Variants in RBFOX1 observed in about 807,000 individuals in gnomAD.
The protein encoded by RBFOX1 is RNA binding fox-1 homolog 1.
RBFOX1 carries 8 observed loss-of-function variants against 57.7 expected under a neutral mutation model. The ratio of observed to expected loss-of-function variants is 0.14; its 90% CI spans 0.08 to 0.25. The LOEUF (loss-of-function observed/expected upper bound fraction) is 0.25. RBFOX1 is among the 10% of genes least tolerant of loss of function. The pLI, the probability that RBFOX1 is intolerant of heterozygous loss-of-function variation, is 1.00. For missense variants in RBFOX1, 611 were observed against 548.5 expected (o/e 1.11, Z -1.14); for synonymous variants, 326 against 222.4 (o/e 1.47, Z -4.15).
intron 4 of RBFOX1, among the ~76,000 whole-genome samples, chr16:7,227,298 A>ACCCCCCC (rs1163061832): frequency 1.4e-5 from 1 of 71,074 alleles, no homozygotes; most frequent in Non-Finnish European, 3.4e-5. Flanking sequence ...CCACCCCCAC[A>ACCCCCCC]CACACACACA....
At chr16:5,699,661 A>G (rs1267710968) in intron 3 of RBFOX1, among the ~76,000 whole-genome samples, 2 of 152,068 alleles carry the variant, frequency 1.3e-5, no homozygotes, top group East Asian at 1.9e-4. Context: ...GGGGTGTGCT[A>G]CTGGGATCTA....
chr16:5,962,818 G>GTTTTT (rs55961605), intron 4 of RBFOX1, among the ~76,000 whole-genome samples: 1 of 135,380 alleles, frequency 7.4e-6, no homozygotes, highest in Non-Finnish European at 1.6e-5. Context: ...TGAGGGTTTG[G>GTTTTT]TTTTTTTTTT....
At chr16:6,774,763 A>G (rs1208525693) in intron 3 of RBFOX1, among the ~76,000 whole-genome samples, 1 of 152,056 alleles carries the variant, frequency 6.6e-6, no homozygotes, top group African/African-American at 2.4e-5. Context: ...GTTGAGTTGA[A>G]CTTTCTGCAA....
chr16:6,534,322 C>A (rs2096705992), intron 2 of RBFOX1, among the ~76,000 whole-genome samples: 2 of 151,940 alleles, frequency 1.3e-5, no homozygotes, highest in African/African-American at 4.8e-5. Flanking sequence ...AGAAGTTATC[C>A]ACCAAAGAGT....
intron 4 of RBFOX1, among the ~76,000 whole-genome samples, chr16:7,449,478 G>A (rs550314380): frequency 9.2e-5 from 14 of 152,186 alleles, no homozygotes; most frequent in African/African-American, 2.9e-4. Context: ...TTTCACTAAC[G>A]CGCCCCTTGC....
intron 2 of RBFOX1, among the ~76,000 whole-genome samples, chr16:6,646,145 C>T (rs1454570922): frequency 1.3e-5 from 2 of 152,118 alleles, no homozygotes; most frequent in African/African-American, 4.8e-5. Flanking sequence ...TCGAGTGGGG[C>T]TGAAGTACTT....
intron 2 of RBFOX1, among the ~76,000 whole-genome samples, chr16:6,382,913 C>G (rs537813705): frequency 1.3e-5 from 2 of 152,078 alleles, no homozygotes; most frequent in Non-Finnish European, 1.5e-5. Context: ...AAGTTATTAC[C>G]CAAAGCAGGA....
At chr16:6,614,654 T>G (rs990372753) in intron 2 of RBFOX1, among the ~76,000 whole-genome samples, 1 of 152,182 alleles carries the variant, frequency 6.6e-6, no homozygotes, top group Non-Finnish European at 1.5e-5. Flanking sequence ...GTAGCCTCTT[T>G]CCTTACTCCT....
intron 4 of RBFOX1, among the ~76,000 whole-genome samples, chr16:7,362,299 C>CAT (rs1568416806): frequency 1.6e-3 from 48 of 29,890 alleles, no homozygotes; most frequent in East Asian, 0.011. Context: ...GTATGTTTTT[C>CAT]GTGTGTTTGC....
intron 11 of RBFOX1, among the ~76,000 whole-genome samples, chr16:7,650,777 T>G (rs1200460000): frequency 2.6e-5 from 4 of 152,212 alleles, no homozygotes; most frequent in Non-Finnish European, 1.5e-5. Context: ...TTCATTTTCT[T>G]TATTTCAAAA....
rs116800299 is a variant in RBFOX1, at chr16:5,789,631, C to A, written c.319-77672C>A. On this transcript the variant is annotated intron_variant, in intron 3 of 19. Coordinates refer to the RBFOX1 transcript ENST00000641259. ...TTCTCTTTTGGTTAAGCTTTTTCCC[C>A]AGTCGTATCTTGTTCATGACTCATG... 3.7e-3 allele frequency among the ~76,000 whole-genome samples: 565 copies of A among 152,294 alleles called. 4 individuals carry two copies. The highest frequency in any genetic ancestry group is 0.013 in the African/African-American group (529 of 41,552).
intron 3 of RBFOX1, among the ~76,000 whole-genome samples, chr16:5,622,078 C>G (rs560900546): frequency 7.2e-5 from 11 of 152,114 alleles, no homozygotes; most frequent in African/African-American, 1.4e-4. Context: ...TTCTCTTATT[C>G]CTGAAAAATG....
chr16:6,185,295 A>G (rs922312189), intron 1 of RBFOX1, among the ~76,000 whole-genome samples: 1 of 152,186 alleles, frequency 6.6e-6, no homozygotes, highest in African/African-American at 2.4e-5. Flanking sequence ...TATATTTGCT[A>G]TAATTTCTTT....
At chr16:6,550,052 C>G (rs1014204077) in intron 2 of RBFOX1, among the ~76,000 whole-genome samples, 4 of 152,200 alleles carry the variant, frequency 2.6e-5, no homozygotes, top group Admixed American at 1.3e-4. Flanking sequence ...CCATTCCATA[C>G]TTTATGACTG....
intron 2 of RBFOX1, among the ~76,000 whole-genome samples, chr16:6,442,988 G>A (rs1212014380): frequency 6.6e-6 from 1 of 152,186 alleles, no homozygotes; most frequent in African/African-American, 2.4e-5. Flanking sequence ...TGATGTGAAA[G>A]TGAGTACCAG....
chr16:6,416,739 T>C (rs1228699280), intron 2 of RBFOX1, among the ~76,000 whole-genome samples: 2 of 152,150 alleles, frequency 1.3e-5, no homozygotes, highest in Non-Finnish European at 2.9e-5. Flanking sequence ...TGTACCTCCT[T>C]GTCCAGCAAT....
chr16:5,670,410 C>T (rs916468692), intron 3 of RBFOX1, among the ~76,000 whole-genome samples: 2 of 152,182 alleles, frequency 1.3e-5, no homozygotes, highest in African/African-American at 2.4e-5. Flanking sequence ...CAAAATTATT[C>T]TGTAGCCCAT....
intron 4 of RBFOX1, among the ~76,000 whole-genome samples, chr16:7,330,387 G>GGT (rs2096669059): frequency 1.1e-5 from 1 of 90,810 alleles, no homozygotes; most frequent in Non-Finnish European, 2.1e-5. Flanking sequence ...CAGGTGCAGA[G>GGT]GTTTTTTTTT....
At chr16:7,001,321 T>G (rs914987306) in intron 3 of RBFOX1, among the ~76,000 whole-genome samples, 6 of 152,092 alleles carry the variant, frequency 3.9e-5, no homozygotes, top group Non-Finnish European at 7.4e-5. Flanking sequence ...TCAACTTATG[T>G]ATTTCCTACC....
Sources: allele counts gnomAD v4.1 joint callset (sites outside exome capture counted in the v4.1 genomes callset), GRCh38; gene constraint gnomAD v4.1.1; transcripts MANE v1.5; gene names NCBI Gene and HGNC (gene_info 2026-07-23, HGNC 2026-07-21).